The following WNT2B variants were observed in gnomAD, a reference collection of about 807,000 sequenced individuals.
WNT2B encodes Wnt family member 2B, also known as protein Wnt-2b.
A neutral mutation model predicts 40.5 loss-of-function variants in WNT2B; 19 were observed. The observed-to-expected ratio is 0.47, with a 90% CI of 0.33 to 0.69. WNT2B has a LOEUF of 0.69. WNT2B is among the 30% of genes least tolerant of loss of function. The pLI is 0.02. For synonymous variants in WNT2B, 220 were observed against 211.9 expected (o/e 1.04, Z -0.33); for missense variants, 467 against 556.4 (o/e 0.84, Z 1.62).
At position 112,494,088 on chromosome 1, in the gene WNT2B, TTG is replaced by T. The variant is rs1457859957; in HGVS notation, c.-94-20785_-94-20784del. Among the ~76,000 whole-genome samples, 893 of 150,426 alleles carry T rather than the reference TTG, an allele frequency of 5.9e-3. 23 individuals carry two copies. The highest frequency in any genetic ancestry group is 0.021 in the African/African-American group (832 of 39,870). ...ACTTTGGGAGGCTGAGGCGGGTGGA[TTG>T]CCTGAGATCAGGAGTTCAAGACCAG... is the stretch of plus-strand genomic sequence containing the variant. On this transcript the variant is annotated intron_variant, in intron 1 of 4. Coordinates refer to the WNT2B transcript ENST00000256640.
chr1:112,475,497 T>C (rs1021128069), intron 1 of WNT2B, among the ~76,000 whole-genome samples: 2 of 152,186 alleles, frequency 1.3e-5, no homozygotes, highest in African/African-American at 4.8e-5. Flanking sequence ...GTTATCACAG[T>C]GTATTGTGGG....
rs1353552271 is a variant in WNT2B, at chr1:112,509,218, C to T, written c.-45C>T. 1 of 1,459,232 alleles carries T rather than the reference C, an allele frequency of 6.9e-7. No individual in the cohort carries two copies. The highest frequency in any genetic ancestry group is 1.4e-5 in the South Asian group (1 of 72,132). The allele number at this position is 1,459,232 out of a possible 1,614,324, so 90.4% of individuals were successfully genotyped here. ...GCCTGAGTACCCCCAGAAGGTGCCC[C>T]GTCCACGCCCCTCCGGGCTGCGCGG... On this transcript the variant is annotated 5_prime_UTR_variant, in exon 1 of 5. Transcript: ENST00000369684. The surrounding 1 kb of genome is among the most constrained non-coding windows in gnomAD (Gnocchi z 4.2).
rs901365600 is a variant in WNT2B, at chr1:112,509,194, C to A, written c.-69C>A. 2 of 1,426,424 alleles carry A rather than the reference C, an allele frequency of 1.4e-6. No homozygotes were observed. The highest frequency in any genetic ancestry group is 1.8e-6 in the Non-Finnish European group (2 of 1,101,512). The allele number at this position is 1,426,424 out of a possible 1,614,324, so 88.4% of individuals were successfully genotyped here. On this transcript the variant is annotated 5_prime_UTR_variant, in exon 1 of 5. Transcript: ENST00000369684. This position sits in a 1 kb window ranked among gnomAD's most constrained non-coding sequence, Gnocchi z 4.2. ...CCCCAGGGGGGTGAGGTAGGAGCAG[C>A]CTGAGTACCCCCAGAAGGTGCCCCG...
At position 112,520,343 on chromosome 1, in the gene WNT2B, T is replaced by C; in HGVS notation, c.1010T>C (p.Ile337Thr). Residue 337 changes from isoleucine (I) to threonine (T), a missense_variant, in exon 5 of 5, where the codon ATC (isoleucine) becomes ACC (threonine). Physicochemically the swap from Ile to Thr is moderately conservative, Grantham distance 89. Transcript: ENST00000369684. ...TCAAAAGGAACAGACGGTTGTGAAA[T>C]CATGTGCTGTGGCCGAGGGTACGAC... ...KTSKGTDGCE[I>T]MCCGRGYDTT... 1 of 1,614,126 alleles carries C rather than the reference T, an allele frequency of 6.2e-7. No individual in the cohort carries two copies. Among genetic ancestry groups the C allele is most frequent in the Non-Finnish European group, 8.5e-7 (1 of 1,180,022 alleles).
At position 112,509,507 on chromosome 1, in the gene WNT2B, A is replaced by T. The variant is rs1652268738; in HGVS notation, c.182+63A>T. Reference sequence around the variant, plus strand: ...GGTAGGAGAGGCCGGAGGCGCCTGGAGGGACTGGCTGCTCACGGGACCAGG... The same window carrying T: ...GGTAGGAGAGGCCGGAGGCGCCTGGTGGGACTGGCTGCTCACGGGACCAGG... On this transcript the variant is annotated intron_variant, in intron 1 of 4. Transcript: ENST00000369684. This position sits in a 1 kb window ranked among gnomAD's most constrained non-coding sequence, Gnocchi z 4.2. The T allele has an allele frequency of 4.7e-6, 7 of 1,495,980 alleles. No individual in the cohort carries two copies. Among genetic ancestry groups the T allele is most frequent in the Non-Finnish European group, 3.5e-6 (4 of 1,137,342 alleles). 92.7% of individuals were successfully genotyped at this position (1,495,980 alleles called of 1,614,324 possible).
In WNT2B at chr1:112,510,025, C is replaced by T. The variant is rs146536513; in HGVS notation, c.182+581C>T. 1.5e-3 allele frequency among the ~76,000 whole-genome samples: 229 copies of T among 152,282 alleles called. 2 individuals carry two copies. In the East Asian group the frequency reaches 0.037, roughly 24 times the overall value. On this transcript the variant is annotated intron_variant, in intron 1 of 4. Transcript: ENST00000369684. ...CATTATCTAGGCATTTGTCTTCAGC[C>T]ACCGTTTTGAGGATGTCACTTAGGA...
intron 1 of WNT2B, among the ~76,000 whole-genome samples, chr1:112,476,479 G>A (rs761824713): frequency 6.6e-6 from 1 of 152,060 alleles, no homozygotes; most frequent in Non-Finnish European, 1.5e-5. Flanking sequence ...TGGGAGAGCT[G>A]CAGAGTACAA....
intron 1 of WNT2B, chr1:112,491,205 C>G: frequency 4.6e-6 from 4 of 862,510 alleles, no homozygotes; most frequent in Non-Finnish European, 7.2e-6. Flanking sequence ...GGCAAGAGTT[C>G]GAGACCAGCC....
At chr1:112,467,535 C>T in exon 1 of WNT2B, 1 of 780,858 alleles carries the variant, frequency 1.3e-6, no homozygotes, top group Non-Finnish European at 2.4e-6. Flanking sequence ...CACACTTTCC[C>T]ACATGTTGGA....
At chr1:112,497,523 T>TC (rs1438127674) in intron 1 of WNT2B, among the ~76,000 whole-genome samples, 2 of 152,126 alleles carry the variant, frequency 1.3e-5, no homozygotes, top group African/African-American at 4.8e-5. Flanking sequence ...CCCTAGGCAC[T>TC]CCCCCAATAA....
chr1:112,502,411 A>C (rs1177210803), intron 1 of WNT2B, among the ~76,000 whole-genome samples: 1 of 152,252 alleles, frequency 6.6e-6, no homozygotes, highest in Non-Finnish European at 1.5e-5. Context: ...AAGCAGCGAT[A>C]AACAGCTAAA....
chr1:112,486,539 C>G (rs554810433), intron 1 of WNT2B, among the ~76,000 whole-genome samples: 6 of 151,756 alleles, frequency 4.0e-5, no homozygotes, highest in Non-Finnish European at 7.4e-5. Flanking sequence ...TTCTGCTGTT[C>G]AAAAACATTA....
chr1:112,483,379 A>G (rs922550059), intron 1 of WNT2B, among the ~76,000 whole-genome samples: 9 of 152,332 alleles, frequency 5.9e-5, no homozygotes, highest in African/African-American at 2.2e-4. Flanking sequence ...CACAATTGGA[A>G]AAGGATCATC....
chr1:112,472,637 A>G (rs868351010), intron 1 of WNT2B, among the ~76,000 whole-genome samples: 9 of 152,236 alleles, frequency 5.9e-5, no homozygotes, highest in Middle Eastern at 6.8e-3. Flanking sequence ...AAGAATATGT[A>G]TAGGAAAACA....
intron 1 of WNT2B, among the ~76,000 whole-genome samples, chr1:112,477,178 C>T (rs1462640932): frequency 3.3e-5 from 5 of 152,172 alleles, no homozygotes; most frequent in Non-Finnish European, 5.9e-5. Flanking sequence ...TTAGAGTACC[C>T]AAGCAACTTT....
intron 1 of WNT2B, among the ~76,000 whole-genome samples, chr1:112,486,132 A>AACAC (rs71584737): frequency 0.011 from 1,510 of 143,590 alleles, 37 homozygotes; most frequent in African/African-American, 0.036. Flanking sequence ...ATGAGTTTTT[A>AACAC]ACACACACAC....
At chr1:112,487,202 A>G (rs184113902) in intron 1 of WNT2B, among the ~76,000 whole-genome samples, 17 of 152,354 alleles carry the variant, frequency 1.1e-4, no homozygotes, top group East Asian at 3.8e-4. Flanking sequence ...TTTAAAATCA[A>G]TACACACTAT....
intron 4 of WNT2B, 104 bp downstream of exon 4, chr1:112,517,489 T>C: frequency 7.0e-7 from 1 of 1,422,170 alleles, no homozygotes; most frequent in Non-Finnish European, 9.3e-7. Flanking sequence ...AAGGGGGTGC[T>C]GTGGGAGGAG....
chr1:112,496,130 T>G (rs1488114352), intron 1 of WNT2B, among the ~76,000 whole-genome samples: 1 of 152,132 alleles, frequency 6.6e-6, no homozygotes, highest in African/African-American at 2.4e-5. Flanking sequence ...TTTTGTTTCT[T>G]AGAGACAGGG....
Sources: gnomAD v4.1 joint callset for allele counts (sites outside exome capture counted in the v4.1 genomes callset) on GRCh38, gnomAD v4.1.1 for gene constraint, Gnocchi (gnomAD v3.1) non-coding constraint, MANE v1.5 for transcripts, NCBI Gene and HGNC (gene_info 2026-07-23, HGNC 2026-07-21) for gene names.